FGF13: variants seen among roughly 807,000 people sequenced by gnomAD.
The protein encoded by FGF13 is fibroblast growth factor 13.
In FGF13, 2 loss-of-function variants were observed where a neutral mutation model predicts 19.5. The ratio of observed to expected loss-of-function variants is 0.10; its 90% CI spans 0.04 to 0.32. FGF13 has a LOEUF of 0.32. Among genes scored for constraint, FGF13 ranks in the 10% least tolerant of loss-of-function variants. The probability of loss-of-function intolerance (pLI) is 1.00; values close to 1 mark genes in which losing one functional copy is unlikely to be tolerated. For missense variants in FGF13, 113 were observed against 192.7 expected (o/e 0.59, Z 2.45); for synonymous variants, 72 against 76.9 (o/e 0.94, Z 0.33).
intron 1 of FGF13, among the ~76,000 whole-genome samples, chrX:139,016,301 G>T (rs1308635283): frequency 9.0e-6 from 1 of 111,446 alleles, no homozygotes; most frequent in East Asian, 2.9e-4. Context: ...GTGAAAAGAG[G>T]GGGGAAAGTA....
intron 1 of FGF13, among the ~76,000 whole-genome samples, chrX:139,040,594 C>T (rs1351925331): frequency 2.7e-5 from 3 of 111,655 alleles, no homozygotes; most frequent in Non-Finnish European, 5.6e-5. Flanking sequence ...CACTTTTACA[C>T]TGTTGGTGGG....
At chrX:138,846,921 T>C (rs912551874) in intron 3 of FGF13, among the ~76,000 whole-genome samples, 2 of 111,768 alleles carry the variant, frequency 1.8e-5, no homozygotes, top group Non-Finnish European at 3.8e-5. Context: ...CATCTCTTCC[T>C]TTTGAGTGCT....
intron 1 of FGF13, among the ~76,000 whole-genome samples, chrX:139,079,470 A>T (rs1043090917): frequency 9.0e-6 from 1 of 111,435 alleles, no homozygotes; most frequent in Non-Finnish European, 1.9e-5. Context: ...CAGAATATAT[A>T]TTATGAGCCC....
intron 3 of FGF13, among the ~76,000 whole-genome samples, chrX:138,768,717 A>AT (rs2090521522): frequency 4.1e-5 from 4 of 98,014 alleles, no homozygotes; most frequent in African/African-American, 1.6e-4. Flanking sequence ...ATATATATAT[A>AT]AGTATATATT....
intron 1 of FGF13, among the ~76,000 whole-genome samples, chrX:138,984,527 G>GAAGAAGAAC (rs2091979971): frequency 5.7e-5 from 1 of 17,487 alleles, no homozygotes; most frequent in African/African-American, 2.0e-4. Context: ...AGAAGAGGAA[G>GAAGAAGAAC]AAGAAGAAGA....
At chrX:138,658,426 T>C (rs913687689) in intron 3 of FGF13, among the ~76,000 whole-genome samples, 4 of 112,502 alleles carry the variant, frequency 3.6e-5, no homozygotes, top group African/African-American at 9.7e-5. Flanking sequence ...GTTAAGCCAA[T>C]GATTCTAATT....
intron 1 of FGF13, among the ~76,000 whole-genome samples, chrX:138,905,051 G>T (rs954190821): frequency 3.6e-5 from 4 of 111,701 alleles, no homozygotes; most frequent in African/African-American, 1.3e-4. Context: ...AAAGAAGAAT[G>T]ACTTAAGAAA....
At chrX:139,129,821 C>T (rs1603213140) in intron 1 of FGF13, among the ~76,000 whole-genome samples, 1 of 111,461 alleles carries the variant, frequency 9.0e-6, no homozygotes, top group East Asian at 2.8e-4. Context: ...CTTCCTTTCT[C>T]ACTGTGACCA....
intron 3 of FGF13, among the ~76,000 whole-genome samples, chrX:138,638,894 G>A (rs2089215299): frequency 9.0e-6 from 1 of 111,418 alleles, no homozygotes; most frequent in Non-Finnish European, 1.9e-5. Context: ...AAATGGCAAG[G>A]AAGGACTCAA....
chrX:138,839,257 T>C (rs2091133298), intron 3 of FGF13, among the ~76,000 whole-genome samples: 1 of 111,039 alleles, frequency 9.0e-6, no homozygotes, highest in Non-Finnish European at 1.9e-5. Context: ...GGTCTTGGAC[T>C]TCCCATCTCC....
At chrX:139,063,453 C>A (rs1367376067) in intron 1 of FGF13, among the ~76,000 whole-genome samples, 2 of 111,489 alleles carry the variant, frequency 1.8e-5, no homozygotes, top group Non-Finnish European at 3.8e-5. Context: ...GAGAGGTTTT[C>A]TTATCAGTCT....
At chrX:138,663,314 G>T (rs2124155254) in intron 3 of FGF13, among the ~76,000 whole-genome samples, 1 of 111,657 alleles carries the variant, frequency 9.0e-6, no homozygotes, top group South Asian at 3.7e-4. Context: ...GGCTAAGCCA[G>T]CCTGGAATCA....
intron 1 of FGF13, among the ~76,000 whole-genome samples, chrX:139,158,471 T>C (rs1255917528): frequency 1.8e-5 from 2 of 110,842 alleles, no homozygotes; most frequent in Admixed American, 1.9e-4. Flanking sequence ...AGGTTTCCCC[T>C]CACAGTGTAA....
chrX:138,678,797 C>T (rs745869157), intron 3 of FGF13, among the ~76,000 whole-genome samples: 2 of 112,140 alleles, frequency 1.8e-5, no homozygotes, highest in East Asian at 5.6e-4. Flanking sequence ...GAACAAAGCA[C>T]TCACAAGAGA....
At chrX:138,901,439 G>A (rs1443610966) in intron 1 of FGF13, among the ~76,000 whole-genome samples, 4 of 111,440 alleles carry the variant, frequency 3.6e-5, no homozygotes, top group African/African-American at 1.3e-4. Context: ...AGCTCAGTGT[G>A]TTGAGGGCAC....
At chrX:138,856,210 C>T (rs540136695), downstream of FGF13, among the ~76,000 whole-genome samples, 8 of 110,853 alleles carry the variant, frequency 7.2e-5, no homozygotes, top group South Asian at 1.9e-3. Flanking sequence ...TCACACTCAA[C>T]GTGAATAGTT....
At chrX:138,907,543 C>G (rs1402170406) in intron 1 of FGF13, among the ~76,000 whole-genome samples, 1 of 111,444 alleles carries the variant, frequency 9.0e-6, no homozygotes, top group South Asian at 3.8e-4. Context: ...TCCCATGTGG[C>G]CTTTTCATTT....
intron 1 of FGF13, among the ~76,000 whole-genome samples, chrX:138,884,129 G>A (rs1368538196): frequency 8.9e-6 from 1 of 111,809 alleles, no homozygotes; most frequent in East Asian, 2.8e-4. Context: ...GCAAGAGACA[G>A]GGCAATTCAC....
chrX:138,684,790 C>G (rs1374106960), intron 3 of FGF13, among the ~76,000 whole-genome samples: 1 of 111,358 alleles, frequency 9.0e-6, no homozygotes, highest in Non-Finnish European at 1.9e-5. Flanking sequence ...GTATTTACAA[C>G]GGACTTAATG....
Sources: allele counts gnomAD v4.1 joint callset (sites outside exome capture counted in the v4.1 genomes callset), GRCh38; gene constraint gnomAD v4.1.1; transcripts MANE v1.5; gene names NCBI Gene and HGNC (gene_info 2026-07-23, HGNC 2026-07-21).